Variants in MYO3B observed in about 807,000 individuals in gnomAD.
The protein encoded by MYO3B is myosin-IIIb.
In MYO3B, 156 loss-of-function variants were observed where a neutral mutation model predicts 174.6. The observed-to-expected ratio is 0.89, with a 90% CI of 0.78 to 1.02. MYO3B has a LOEUF of 1.02. Ranked by LOEUF, MYO3B falls within the 50% of genes least tolerant of loss-of-function variation. The probability of loss-of-function intolerance (pLI) is 0.00; values close to 1 mark genes in which losing one functional copy is unlikely to be tolerated. For synonymous variants in MYO3B, 563 were observed against 569.1 expected (o/e 0.99, Z 0.15); for missense variants, 1,632 against 1,639.4 (o/e 1.00, Z 0.08).
chr2:170,465,452 C>G (rs1300857902), intron 24 of MYO3B, among the ~76,000 whole-genome samples: 4 of 152,142 alleles, frequency 2.6e-5, no homozygotes, highest in Non-Finnish European at 5.9e-5. Context: ...AGGAATTTGC[C>G]CCATGACCCA....
At chr2:170,300,997 A>G (rs1281788213) in intron 7 of MYO3B, among the ~76,000 whole-genome samples, 1 of 152,228 alleles carries the variant, frequency 6.6e-6, no homozygotes, top group East Asian at 1.9e-4. Context: ...GCCAGCATGT[A>G]GGCACATCAG....
chr2:170,215,210 A>G (rs2092814603), intron 5 of MYO3B, among the ~76,000 whole-genome samples: 1 of 152,256 alleles, frequency 6.6e-6, no homozygotes. Context: ...GACTTTCACT[A>G]GCCTTAGGCA....
At chr2:170,302,063 G>A (rs1321285242) in intron 7 of MYO3B, among the ~76,000 whole-genome samples, 2 of 151,912 alleles carry the variant, frequency 1.3e-5, no homozygotes, top group African/African-American at 2.4e-5. Flanking sequence ...GCAGGCATAA[G>A]CACGTCTTCC....
At chr2:170,519,771 G>C in intron 30 of MYO3B, 1 of 397,670 alleles carries the variant, frequency 2.5e-6, no homozygotes. Context: ...TCAGGAGTTT[G>C]AGACTAGCCT....
In MYO3B at chr2:170,563,060, ACACT is replaced by A. The variant is rs1465113188; in HGVS notation, c.3733+19074_3733+19077del. Among the ~76,000 whole-genome samples the A allele has an allele frequency of 3.4e-5, 5 of 148,726 alleles. No individual in the cohort carries two copies. The East Asian group carries it at 5.9e-4, about 18-fold the overall frequency. On this transcript the variant is annotated intron_variant, in intron 32 of 34. Coordinates refer to ENST00000408978, the MANE Select transcript of MYO3B (RefSeq NM_138995.5). ...CACACACACACACACACACACACACACACTCTAGACACACACACTACACACACAT... is the reference window on the plus strand; with the variant it reads ...CACACACACACACACACACACACACACTAGACACACACACTACACACACAT...
chr2:170,343,179 A>G (rs995692903), intron 8 of MYO3B, among the ~76,000 whole-genome samples: 4 of 151,930 alleles, frequency 2.6e-5, no homozygotes, highest in African/African-American at 9.7e-5. Flanking sequence ...TAGGCTTACG[A>G]CTGTAATCCT....
chr2:170,355,339 T>C (rs2094112119), intron 8 of MYO3B, among the ~76,000 whole-genome samples: 1 of 152,252 alleles, frequency 6.6e-6, no homozygotes, highest in African/African-American at 2.4e-5. Context: ...GATGTTCACA[T>C]AATTGGCAGT....
At chr2:170,306,929 T>A (rs2105458417) in intron 7 of MYO3B, among the ~76,000 whole-genome samples, 1 of 152,328 alleles carries the variant, frequency 6.6e-6, no homozygotes, top group East Asian at 1.9e-4. Context: ...CAAGTAGCTT[T>A]GTATGTTCTC....
At chr2:170,228,797 A>G (rs2092981191) in intron 6 of MYO3B, among the ~76,000 whole-genome samples, 1 of 152,190 alleles carries the variant, frequency 6.6e-6, no homozygotes, top group Admixed American at 6.5e-5. Context: ...TTATAATTAG[A>G]GACCTTCCTG....
intron 3 of MYO3B, among the ~76,000 whole-genome samples, chr2:170,208,611 A>T (rs1310613548): frequency 6.6e-6 from 1 of 152,228 alleles, no homozygotes; most frequent in Non-Finnish European, 1.5e-5. Flanking sequence ...TCACAGGAAC[A>T]AGCAGGGTTA....
chr2:170,232,235 T>C (rs1211295094), intron 6 of MYO3B, among the ~76,000 whole-genome samples: 1 of 152,206 alleles, frequency 6.6e-6, no homozygotes, highest in African/African-American at 2.4e-5. Context: ...AAGGAGAATG[T>C]TGAGCTAAAG....
intron 7 of MYO3B, among the ~76,000 whole-genome samples, chr2:170,236,507 CAT>C (rs959786321): frequency 1.3e-5 from 2 of 152,150 alleles, no homozygotes; most frequent in African/African-American, 4.8e-5. Flanking sequence ...TCAGTGAAAA[CAT>C]ATGTATATCA....
chr2:170,452,171 A>G lies in MYO3B; in HGVS notation c.2730+8125A>G, dbSNP rs1054097584. ...AGGCTAAAGGCTTTCCCATAATGCA[A>G]AGTAATTTCTGATACCCCCAAAAGT... On this transcript the variant is annotated intron_variant, in intron 23 of 34. Coordinates refer to ENST00000408978, the MANE Select transcript of MYO3B (RefSeq NM_138995.5). Among the ~76,000 whole-genome samples the G allele has an allele frequency of 4.6e-5, 7 of 152,120 alleles. No homozygotes were observed. The South Asian group carries it at 1.5e-3, about 32-fold the overall frequency.
chr2:170,418,438 C>T (rs2105848049), intron 22 of MYO3B, among the ~76,000 whole-genome samples: 1 of 152,320 alleles, frequency 6.6e-6, no homozygotes, highest in Non-Finnish European at 1.5e-5. Context: ...AAGCTGGAAT[C>T]TGGAGAAGTG....
intron 7 of MYO3B, among the ~76,000 whole-genome samples, chr2:170,274,500 G>A (rs558860803): frequency 5.9e-5 from 9 of 152,098 alleles, no homozygotes; most frequent in Non-Finnish European, 1.0e-4. Context: ...TAGTAGGCTC[G>A]GTAAATATTG....
At chr2:170,397,530 C>G (rs1006360723) in intron 16 of MYO3B, among the ~76,000 whole-genome samples, 6 of 152,068 alleles carry the variant, frequency 3.9e-5, no homozygotes, top group Non-Finnish European at 7.3e-5. Context: ...GTAAATACAC[C>G]TTAATTTCTT....
chr2:170,227,363 C>A (rs558100910), intron 6 of MYO3B, among the ~76,000 whole-genome samples: 2 of 152,144 alleles, frequency 1.3e-5, no homozygotes, highest in Non-Finnish European at 2.9e-5. Flanking sequence ...TGGCTCACTG[C>A]GACCTCCACC....
chr2:170,330,992 T>C (rs1255782674), intron 7 of MYO3B, among the ~76,000 whole-genome samples: 1 of 152,162 alleles, frequency 6.6e-6, no homozygotes, highest in East Asian at 1.9e-4. Context: ...ATTTACCGAG[T>C]ATTTCTGTGC....
chr2:170,263,487 G>A (rs1316019672), intron 7 of MYO3B, among the ~76,000 whole-genome samples: 1 of 152,176 alleles, frequency 6.6e-6, no homozygotes, highest in African/African-American at 2.4e-5. Flanking sequence ...CCATCTCGGA[G>A]AGGGGGATGT....
Sources: gnomAD v4.1 joint callset for allele counts (sites outside exome capture counted in the v4.1 genomes callset) on GRCh38, gnomAD v4.1.1 for gene constraint, MANE v1.5 for transcripts, NCBI Gene and HGNC (gene_info 2026-07-23, HGNC 2026-07-21) for gene names.